Variants in NBEA observed in about 807,000 individuals in gnomAD.
NBEA encodes neurobeachin.
A neutral mutation model predicts 343.4 loss-of-function variants in NBEA; 44 were observed. The ratio of observed to expected loss-of-function variants is 0.13; its 90% confidence interval spans 0.10 to 0.16. The LOEUF is 0.16. Among genes scored for constraint, NBEA ranks in the 10% least tolerant of loss-of-function variants. NBEA has a pLI of 1.00. For synonymous variants in NBEA, 1,175 were observed against 1,238.7 expected, an observed-to-expected ratio of 0.95 and a Z score of 1.08; for missense variants, 2,555 against 3,631.3, an observed-to-expected ratio of 0.70 and a Z score of 7.62.
intron 36 of NBEA, among the ~76,000 whole-genome samples, chr13:35,339,916 C>G (rs982731319): frequency 6.6e-6 from 1 of 152,050 alleles, no homozygotes; most frequent in Admixed American, 6.6e-5. Context: ...CTTCAACATA[C>G]AATTTGGGTG....
intron 10 of NBEA, among the ~76,000 whole-genome samples, chr13:35,072,178 C>T (rs2063900554): frequency 6.6e-6 from 1 of 151,978 alleles, no homozygotes; most frequent in Non-Finnish European, 1.5e-5. Context: ...AAAATCTAGT[C>T]AGTACTGTGA....
intron 4 of NBEA, among the ~76,000 whole-genome samples, chr13:35,046,115 G>C (rs892184646): frequency 2.0e-5 from 3 of 152,026 alleles, no homozygotes; most frequent in Non-Finnish European, 4.4e-5. Flanking sequence ...GTTTTATTCT[G>C]TTCTCTCTTT....
chr13:35,653,503 G>GT (rs1347666073), intron 53 of NBEA, among the ~76,000 whole-genome samples: 1 of 151,822 alleles, frequency 6.6e-6, no homozygotes, highest in African/African-American at 2.4e-5. Context: ...TCTAATTTTT[G>GT]TATTTTTAGT....
intron 5 of NBEA, among the ~76,000 whole-genome samples, chr13:35,049,372 CCACCT>C (rs1439118354): frequency 6.6e-6 from 1 of 151,780 alleles, no homozygotes; most frequent in East Asian, 1.9e-4. Flanking sequence ...TCTGGCTTTA[CCACCT>C]ACTATTCACC....
chr13:35,324,850 A>G (rs2152843302), intron 36 of NBEA, among the ~76,000 whole-genome samples: 1 of 152,272 alleles, frequency 6.6e-6, no homozygotes, highest in South Asian at 2.1e-4. Context: ...CCTAAGCAAT[A>G]TAAGCACAAT....
At chr13:35,461,223 T>G (rs138953685) in intron 40 of NBEA, among the ~76,000 whole-genome samples, 1 of 152,166 alleles carries the variant, frequency 6.6e-6, no homozygotes, top group Non-Finnish European at 1.5e-5. Flanking sequence ...TCATATATAA[T>G]TTGCATTTTT....
intron 38 of NBEA, among the ~76,000 whole-genome samples, chr13:35,400,030 T>C (rs1421647688): frequency 6.6e-6 from 1 of 151,124 alleles, no homozygotes; most frequent in Non-Finnish European, 1.5e-5. Flanking sequence ...TGTAGTAACA[T>C]CAAAGGTGAT....
chr13:35,159,570 A>G lies in NBEA; in HGVS notation c.3399A>G (p.Ala1133=). Residue 1133 remains alanine, a synonymous_variant, in exon 22 of 59, where the codon GCA becomes GCG. Coordinates refer to ENST00000379939, the MANE Select transcript of NBEA (RefSeq NM_001385012.1). Reference sequence around the variant, plus strand: ...ATAATGGTCCATTGATAACATTAGCAGATGAGAAAGAAGACCTTCCCAATA... The same window carrying G: ...ATAATGGTCCATTGATAACATTAGCGGATGAGAAAGAAGACCTTCCCAATA... The part of the protein sequence containing the change: ...EKDNGPLITL[A]DEKEDLPNSS... 2.5e-6 allele frequency: 4 copies of G among 1,612,538 alleles called. No homozygotes were observed. Among genetic ancestry groups the G allele is most frequent in the Non-Finnish European group, 3.4e-6 (4 of 1,179,380 alleles).
chr13:35,303,339 G>A (rs1406310085), intron 35 of NBEA, among the ~76,000 whole-genome samples: 2 of 152,098 alleles, frequency 1.3e-5, no homozygotes, highest in Non-Finnish European at 2.9e-5. Context: ...GAGGTGGATT[G>A]TATGTTAATC....
chr13:35,421,323 A>G (rs777874211), intron 38 of NBEA, among the ~76,000 whole-genome samples: 1 of 151,806 alleles, frequency 6.6e-6, no homozygotes, highest in Non-Finnish European at 1.5e-5. Flanking sequence ...TATGTTTCTT[A>G]GTATATCCCT....
At chr13:35,183,877 G>C (rs1341303241) in intron 29 of NBEA, 99 bp from the exon 30 acceptor site, 6 of 701,006 alleles carry the variant, frequency 8.6e-6, no homozygotes, top group Non-Finnish European at 1.2e-5. Context: ...AGTATTGTTT[G>C]CATGTTGCAG....
intron 41 of NBEA, among the ~76,000 whole-genome samples, chr13:35,544,103 G>A (rs1305001201): frequency 6.6e-6 from 1 of 152,138 alleles, no homozygotes; most frequent in Non-Finnish European, 1.5e-5. Flanking sequence ...AATTATAAAA[G>A]TAATAGGGAT....
At chr13:35,342,470 T>G (rs1438540401) in intron 36 of NBEA, among the ~76,000 whole-genome samples, 1 of 152,040 alleles carries the variant, frequency 6.6e-6, no homozygotes, top group African/African-American at 2.4e-5. Context: ...AAACTTACAA[T>G]GTATGCATGT....
chr13:35,462,057 G>A (rs1207776505), intron 40 of NBEA, among the ~76,000 whole-genome samples: 1 of 152,152 alleles, frequency 6.6e-6, no homozygotes, highest in African/African-American at 2.4e-5. Context: ...CACAAAGTAG[G>A]GACAAGACCT....
intron 34 of NBEA, among the ~76,000 whole-genome samples, chr13:35,247,957 A>G (rs1423916724): frequency 3.3e-5 from 5 of 152,202 alleles, no homozygotes; most frequent in East Asian, 3.9e-4. Flanking sequence ...ATATAAAAGG[A>G]TTGATTATAA....
chr13:35,113,091 A>G (rs2066298802), intron 13 of NBEA, among the ~76,000 whole-genome samples: 1 of 152,242 alleles, frequency 6.6e-6, no homozygotes, highest in East Asian at 1.9e-4. Flanking sequence ...TCAATGTAGG[A>G]TAGTTTTTTA....
intron 1 of NBEA, among the ~76,000 whole-genome samples, chr13:35,001,986 A>G (rs1430771167): frequency 1.3e-5 from 2 of 152,218 alleles, no homozygotes; most frequent in Non-Finnish European, 2.9e-5. Flanking sequence ...GTATCACTGA[A>G]TATGAGTAAA....
At chr13:35,565,831 T>C (rs1205038910) in intron 44 of NBEA, among the ~76,000 whole-genome samples, 2 of 152,090 alleles carry the variant, frequency 1.3e-5, no homozygotes, top group African/African-American at 4.8e-5. Context: ...TAAGCAGACA[T>C]ATTCACCCTA....
At chr13:35,305,712 G>A (rs1269386077) in intron 35 of NBEA, among the ~76,000 whole-genome samples, 1 of 152,170 alleles carries the variant, frequency 6.6e-6, no homozygotes, top group East Asian at 1.9e-4. Context: ...CAGAATTTGA[G>A]CAAGAAGTAA....
Sources: allele counts gnomAD v4.1 joint callset (sites outside exome capture counted in the v4.1 genomes callset), GRCh38; gene constraint gnomAD v4.1.1; transcripts MANE v1.5; gene names NCBI Gene and HGNC (gene_info 2026-07-23, HGNC 2026-07-21).